C12orf42: variants seen among roughly 807,000 people sequenced by gnomAD.
C12orf42 encodes the protein uncharacterized protein C12orf42.
In C12orf42, 25 loss-of-function variants were observed where a neutral mutation model predicts 21.6. That is an observed-to-expected ratio of 1.16 (90% confidence interval 0.84 to 1.62). C12orf42 has a LOEUF of 1.62. Ranked by LOEUF, C12orf42 falls within the 40% of genes most tolerant of loss-of-function variation. The pLI is 0.00. For missense variants in C12orf42, 483 were observed against 459.3 expected, an observed-to-expected ratio of 1.05 and a Z score of -0.47; for synonymous variants, 174 against 175.0, an observed-to-expected ratio of 0.99 and a Z score of 0.05.
chr12:103,092,729 G>T, the C12orf42 span, among the ~76,000 whole-genome samples: 1 of 152,188 alleles, frequency 6.6e-6, no homozygotes, highest in African/African-American at 2.4e-5. Context: ...TACAGCATTT[G>T]TTAAGGACTG....
chr12:103,190,806 A>C, the C12orf42 span, among the ~76,000 whole-genome samples: 1 of 152,180 alleles, frequency 6.6e-6, no homozygotes, highest in Non-Finnish European at 1.5e-5. Context: ...TGGAATTCTC[A>C]GAAAGAGAAG....
At chr12:103,457,997 T>C (rs983466979) in intron 2 of C12orf42, among the ~76,000 whole-genome samples, 1 of 152,208 alleles carries the variant, frequency 6.6e-6, no homozygotes, top group African/African-American at 2.4e-5. Flanking sequence ...GTCCTCCAAC[T>C]GCACTTCAGA....
chr12:103,158,515 TTAGA>T, the C12orf42 span, among the ~76,000 whole-genome samples: 1 of 152,186 alleles, frequency 6.6e-6, no homozygotes, highest in Non-Finnish European at 1.5e-5. Flanking sequence ...TCCTAAGTAC[TTAGA>T]TAGAGCTTGA....
At chr12:103,256,943 GC>G (rs1479175904) in intron 10 of C12orf42, among the ~76,000 whole-genome samples, 4 of 151,986 alleles carry the variant, frequency 2.6e-5, no homozygotes, top group African/African-American at 4.8e-5. Flanking sequence ...TTTAATAATA[GC>G]TATTCTGACT....
chr12:103,124,589 G>A, the C12orf42 span, among the ~76,000 whole-genome samples: 2 of 152,132 alleles, frequency 1.3e-5, no homozygotes, highest in Non-Finnish European at 2.9e-5. Context: ...GATAAGAGAT[G>A]GATCTGCGGT....
intron 4 of C12orf42, among the ~76,000 whole-genome samples, chr12:103,296,597 T>C (rs1171131173): frequency 6.6e-6 from 1 of 152,256 alleles, no homozygotes; most frequent in Non-Finnish European, 1.5e-5. Flanking sequence ...TTGATTTGCA[T>C]TTCTCTGATG....
the C12orf42 span, among the ~76,000 whole-genome samples, chr12:103,512,804 C>T: frequency 6.6e-6 from 1 of 151,986 alleles, no homozygotes; most frequent in African/African-American, 2.4e-5. Flanking sequence ...GAGATTGAGA[C>T]CATCCTGGCC....
chr12:103,416,231 TA>T lies in C12orf42; in HGVS notation c.79-14557del, dbSNP rs5800588. Among the ~76,000 whole-genome samples, 12 of 148,954 alleles carry T rather than the reference TA, an allele frequency of 8.1e-5. No individual in the cohort carries two copies. In the South Asian group the frequency reaches 1.5e-3, roughly 18 times the overall value. ...AATTCATATAAAAAGTAATGTAGGT[TA>T]AAAAAAAAGGGTTGTGACTCCCAGT... On this transcript the variant is annotated intron_variant, in intron 2 of 5. Coordinates refer to ENST00000548883, the MANE Select transcript of C12orf42 (RefSeq NM_198521.5).
the C12orf42 span, among the ~76,000 whole-genome samples, chr12:103,221,458 T>A: frequency 6.6e-6 from 1 of 152,256 alleles, no homozygotes; most frequent in Non-Finnish European, 1.5e-5. Context: ...TTCTATTGCA[T>A]TCACTTATAT....
chr12:103,295,263 T>C (rs1228179663), intron 4 of C12orf42, among the ~76,000 whole-genome samples: 3 of 152,134 alleles, frequency 2.0e-5, no homozygotes, highest in Non-Finnish European at 4.4e-5. Flanking sequence ...ATCCCTTCCC[T>C]TGTCTGGGTA....
At chr12:103,368,136 G>T in intron 4 of C12orf42, 1 of 1,052,656 alleles carries the variant, frequency 9.5e-7, no homozygotes, top group Non-Finnish European at 1.3e-6. Flanking sequence ...ACAGTCGCAG[G>T]TTGTCAAAAT....
intron 10 of C12orf42, among the ~76,000 whole-genome samples, chr12:103,246,796 G>T (rs75544982): frequency 6.9e-6 from 1 of 144,244 alleles, no homozygotes; most frequent in East Asian, 2.1e-4. Context: ...AAATGACCAT[G>T]GACTATGTTT....
At chr12:103,262,208 A>G (rs2034931640) in intron 10 of C12orf42, 1 of 152,196 alleles carries the variant, frequency 6.6e-6, no homozygotes, top group Non-Finnish European at 1.5e-5. Flanking sequence ...CTTTCAATTC[A>G]ATAATTCTAT....
chr12:103,509,343 T>A, the C12orf42 span, among the ~76,000 whole-genome samples: 1 of 152,116 alleles, frequency 6.6e-6, no homozygotes. Flanking sequence ...CAAGGAAGAA[T>A]CATTTTCTGG....
chr12:103,270,378 AAGGGAGGG>A (rs558371882), intron 5 of C12orf42: 2 of 139,914 alleles, frequency 1.4e-5, no homozygotes, highest in African/African-American at 5.1e-5. Flanking sequence ...GGAAGGAAGG[AAGGGAGGG>A]AGGGAGGGAG....
chr12:103,172,318 G>A, the C12orf42 span, among the ~76,000 whole-genome samples: 1 of 152,082 alleles, frequency 6.6e-6, no homozygotes, highest in Admixed American at 6.6e-5. Flanking sequence ...AGTACGTGGT[G>A]AAGTAACTAA....
the C12orf42 span, among the ~76,000 whole-genome samples, chr12:103,220,279 G>T: frequency 6.6e-6 from 1 of 152,096 alleles, no homozygotes; most frequent in Non-Finnish European, 1.5e-5. Flanking sequence ...ATAGCATTAG[G>T]AGAAATACCT....
the C12orf42 span, among the ~76,000 whole-genome samples, chr12:103,117,586 A>G: frequency 1.3e-5 from 2 of 152,168 alleles, no homozygotes; most frequent in Non-Finnish European, 1.5e-5. Flanking sequence ...CCTTCACATC[A>G]ATGCAGTGAG....
chr12:103,204,510 G>C, the C12orf42 span, among the ~76,000 whole-genome samples: 1 of 152,120 alleles, frequency 6.6e-6, no homozygotes, highest in Non-Finnish European at 1.5e-5. Context: ...TAAATAACTA[G>C]TTCCATATCC....
Sources: gnomAD v4.1 joint callset for allele counts (sites outside exome capture counted in the v4.1 genomes callset) on GRCh38, gnomAD v4.1.1 for gene constraint, MANE v1.5 for transcripts, NCBI Gene and HGNC (gene_info 2026-07-23, HGNC 2026-07-21) for gene names.